The following ARB2A variants were observed in gnomAD, a reference collection of about 807,000 sequenced individuals.
The protein encoded by ARB2A is cotranscriptional regulator ARB2A.
the ARB2A span, among the ~76,000 whole-genome samples, chr5:94,056,885 G>C: frequency 6.6e-6 from 1 of 152,150 alleles, no homozygotes; most frequent in Admixed American, 6.5e-5. Context: ...CTGTGAGGAT[G>C]TTTCTGGATA....
chr5:93,800,166 A>G, the ARB2A span, among the ~76,000 whole-genome samples: 3 of 152,074 alleles, frequency 2.0e-5, no homozygotes, highest in Non-Finnish European at 4.4e-5. Context: ...TAAAAATTTT[A>G]TTTAAAACTG....
the ARB2A span, chr5:93,741,319 C>T: frequency 6.8e-6 from 11 of 1,613,248 alleles, no homozygotes; most frequent in Non-Finnish European, 9.3e-6. Context: ...AGCTCCAAGA[C>T]GGGGCCTGCA....
At chr5:93,804,900 CTTAAGT>C in the ARB2A span, 5 of 925,176 alleles carry the variant, frequency 5.4e-6, no homozygotes, top group African/African-American at 1.8e-5. Flanking sequence ...ACAATTAAAA[CTTAAGT>C]TTAAGTAACC....
the ARB2A span, among the ~76,000 whole-genome samples, chr5:93,627,440 T>TTG: frequency 0.023 from 2,804 of 120,502 alleles, 148 homozygotes; most frequent in African/African-American, 0.089. Context: ...CAAAATGTGT[T>TTG]TTGTTTTTTT....
the ARB2A span, among the ~76,000 whole-genome samples, chr5:93,939,018 T>C: frequency 3.9e-5 from 6 of 152,208 alleles, no homozygotes; most frequent in Non-Finnish European, 7.4e-5. Context: ...AAAAATATTC[T>C]TGGCATCTGC....
At chr5:94,037,015 T>C in the ARB2A span, among the ~76,000 whole-genome samples, 2 of 152,192 alleles carry the variant, frequency 1.3e-5, no homozygotes, top group African/African-American at 2.4e-5. Flanking sequence ...TACCTATCAA[T>C]TGCTAAAAGT....
chr5:93,929,678 C>T, the ARB2A span, among the ~76,000 whole-genome samples: 1 of 151,994 alleles, frequency 6.6e-6, no homozygotes, highest in Non-Finnish European at 1.5e-5. Flanking sequence ...AAAACTTAAA[C>T]TGGACCCTTT....
chr5:94,017,554 A>C, the ARB2A span, among the ~76,000 whole-genome samples: 1,216 of 152,320 alleles, frequency 8.0e-3, 25 homozygotes, highest in Non-Finnish European at 6.2e-3. Flanking sequence ...TAGTACTGTA[A>C]AACAAGAAAC....
the ARB2A span, among the ~76,000 whole-genome samples, chr5:93,930,597 A>C: frequency 6.6e-6 from 1 of 152,212 alleles, no homozygotes; most frequent in Non-Finnish European, 1.5e-5. Flanking sequence ...AGATAGAAGA[A>C]AAGACAAGAG....
At chr5:94,021,945 C>A in the ARB2A span, among the ~76,000 whole-genome samples, 1 of 152,130 alleles carries the variant, frequency 6.6e-6, no homozygotes, top group Non-Finnish European at 1.5e-5. Flanking sequence ...GTGGCATGCA[C>A]CTGTAGTCCC....
the ARB2A span, among the ~76,000 whole-genome samples, chr5:94,019,359 C>G: frequency 1.3e-5 from 2 of 151,690 alleles, no homozygotes; most frequent in Admixed American, 6.6e-5. Flanking sequence ...GAAACTGCAA[C>G]CTATAGAATG....
At chr5:93,827,898 G>T in the ARB2A span, among the ~76,000 whole-genome samples, 2 of 152,162 alleles carry the variant, frequency 1.3e-5, no homozygotes, top group Non-Finnish European at 2.9e-5. Flanking sequence ...TCAAAGATCA[G>T]ATAGTCGTAG....
the ARB2A span, among the ~76,000 whole-genome samples, chr5:94,110,052 T>C: frequency 1.3e-5 from 2 of 151,788 alleles, no homozygotes; most frequent in South Asian, 4.2e-4. Flanking sequence ...ACCCAGCTAA[T>C]TTTTTTGTAT....
the ARB2A span, among the ~76,000 whole-genome samples, chr5:93,794,262 C>T: frequency 6.6e-6 from 1 of 152,042 alleles, no homozygotes; most frequent in African/African-American, 2.4e-5. Flanking sequence ...TCCTTGATTT[C>T]CAGAAGTTGT....
chr5:93,741,419 C>T, the ARB2A span: 1 of 1,613,396 alleles, frequency 6.2e-7, no homozygotes. Flanking sequence ...GGCCTGACTG[C>T]CGGCCAGACC....
At chr5:93,907,773 C>T in the ARB2A span, among the ~76,000 whole-genome samples, 2 of 151,306 alleles carry the variant, frequency 1.3e-5, no homozygotes, top group African/African-American at 2.4e-5. Flanking sequence ...TAGCAGTTTA[C>T]ATTTTCTTTT....
At chr5:93,713,038 C>T in the ARB2A span, among the ~76,000 whole-genome samples, 2 of 152,028 alleles carry the variant, frequency 1.3e-5, no homozygotes, top group African/African-American at 2.4e-5. Flanking sequence ...TATCTGTCAC[C>T]ATATACAAAA....
chr5:93,884,130 A>G, the ARB2A span, among the ~76,000 whole-genome samples: 1 of 151,674 alleles, frequency 6.6e-6, no homozygotes, highest in African/African-American at 2.4e-5. Flanking sequence ...AAGCTGAAAT[A>G]ACATGGCATC....
chr5:93,940,213 G>A, the ARB2A span, among the ~76,000 whole-genome samples: 1 of 152,002 alleles, frequency 6.6e-6, no homozygotes, highest in African/African-American at 2.4e-5. Context: ...ACTGGTAATA[G>A]CGTATTCATT....
Sources: allele counts gnomAD v4.1 joint callset (sites outside exome capture counted in the v4.1 genomes callset), GRCh38; gene constraint gnomAD v4.1.1; transcripts MANE v1.5; gene names NCBI Gene and HGNC (gene_info 2026-07-23, HGNC 2026-07-21).